The following TRHDE variants were observed in gnomAD, a reference collection of about 807,000 sequenced individuals.
The protein encoded by TRHDE is thyrotropin-releasing hormone-degrading ectoenzyme.
TRHDE carries 72 observed loss-of-function variants against 125.7 expected under a neutral mutation model. The observed-to-expected ratio is 0.57, with a 90% CI of 0.47 to 0.70. The LOEUF is 0.70. Ranked by LOEUF, TRHDE falls within the 30% of genes least tolerant of loss-of-function variation. TRHDE has a pLI of 0.00. For missense variants in TRHDE, 1,110 were observed against 1,327.1 expected (o/e 0.84, Z 2.54); for synonymous variants, 509 against 509.1 (o/e 1.00, Z 0.00).
At chr12:72,467,226 C>T (rs1015609763) in intron 3 of TRHDE, among the ~76,000 whole-genome samples, 4 of 151,552 alleles carry the variant, frequency 2.6e-5, no homozygotes, top group African/African-American at 9.7e-5. Context: ...AATGCTATCC[C>T]TCCCCACTCC....
intron 6 of TRHDE, among the ~76,000 whole-genome samples, chr12:72,532,622 T>C (rs1418087343): frequency 2.0e-5 from 3 of 151,362 alleles, no homozygotes; most frequent in Non-Finnish European, 3.0e-5. Context: ...GAATGCTAAG[T>C]AATATTAAAT....
At chr12:72,343,746 T>G (rs1325674976) in intron 2 of TRHDE, among the ~76,000 whole-genome samples, 1 of 152,120 alleles carries the variant, frequency 6.6e-6, no homozygotes, top group Non-Finnish European at 1.5e-5. Flanking sequence ...GATAGAGTAA[T>G]GTGAAACTTA....
At position 72,575,467 on chromosome 12, in the gene TRHDE, T is replaced by C. The variant is rs188280861; in HGVS notation, c.2266-20T>C. 9.8e-4 allele frequency: 1,575 copies of C among 1,613,548 alleles called. 3 individuals are homozygous for C. Among genetic ancestry groups the C allele is most frequent in the South Asian group, 1.2e-3 (109 of 91,066 alleles). On this transcript the variant is annotated intron_variant, in intron 11 of 18. Coordinates refer to ENST00000261180, the MANE Select transcript of TRHDE (RefSeq NM_013381.3). ...ATTTTAATCCTAAATTATCCTATTA[T>C]TTTTTCTAATTGGCCTCAGGTTCTT...
chr12:72,484,371 T>C (rs1276797762), intron 5 of TRHDE, among the ~76,000 whole-genome samples: 3 of 152,156 alleles, frequency 2.0e-5, no homozygotes, highest in African/African-American at 7.2e-5. Flanking sequence ...TATTATCTCT[T>C]AGAAACTTAA....
chr12:72,397,437 C>T (rs1209675358), intron 3 of TRHDE, among the ~76,000 whole-genome samples: 3 of 152,116 alleles, frequency 2.0e-5, no homozygotes, highest in Non-Finnish European at 2.9e-5. Flanking sequence ...CCTTTAAAAA[C>T]ACAAGTCACG....
At chr12:72,482,821 T>G (rs1877233307) in intron 5 of TRHDE, among the ~76,000 whole-genome samples, 1 of 151,950 alleles carries the variant, frequency 6.6e-6, no homozygotes, top group African/African-American at 2.4e-5. Flanking sequence ...TTGAAGCACT[T>G]GAATCATGAT....
intron 3 of TRHDE, among the ~76,000 whole-genome samples, chr12:72,406,130 G>A (rs1873255692): frequency 6.6e-6 from 1 of 152,086 alleles, no homozygotes; most frequent in Non-Finnish European, 1.5e-5. Context: ...ATAATATGCT[G>A]TATTATTTCA....
chr12:72,398,524 G>A (rs933344117), intron 3 of TRHDE, among the ~76,000 whole-genome samples: 1 of 152,088 alleles, frequency 6.6e-6, no homozygotes, highest in Non-Finnish European at 1.5e-5. Context: ...ATTTTATCAC[G>A]ATATTCTTAA....
chr12:72,190,935 C>T (rs1411321532), intron 2 of TRHDE, among the ~76,000 whole-genome samples: 1 of 152,180 alleles, frequency 6.6e-6, no homozygotes, highest in Non-Finnish European at 1.5e-5. Flanking sequence ...GTAGAAAGGG[C>T]AGCAACTTGT....
intron 6 of TRHDE, among the ~76,000 whole-genome samples, chr12:72,520,809 C>T (rs1879159038): frequency 6.6e-6 from 1 of 152,152 alleles, no homozygotes; most frequent in Non-Finnish European, 1.5e-5. Flanking sequence ...ATCAACATAG[C>T]ACAATTTTAT....
At chr12:72,111,035 C>G (rs1272701591) in intron 2 of TRHDE, among the ~76,000 whole-genome samples, 2 of 152,064 alleles carry the variant, frequency 1.3e-5, no homozygotes, top group Non-Finnish European at 2.9e-5. Flanking sequence ...GGTAATTGAC[C>G]AAGTCAACTT....
At chr12:72,296,643 A>T (rs1334750048) in intron 2 of TRHDE, among the ~76,000 whole-genome samples, 1 of 152,162 alleles carries the variant, frequency 6.6e-6, no homozygotes, top group Non-Finnish European at 1.5e-5. Flanking sequence ...GCTGCATGAG[A>T]GAAATGCCTG....
chr12:72,408,952 A>G (rs1231560031), intron 3 of TRHDE, among the ~76,000 whole-genome samples: 1 of 152,194 alleles, frequency 6.6e-6, no homozygotes, highest in Non-Finnish European at 1.5e-5. Context: ...GGAGGATAGA[A>G]AGAATAGAGA....
intron 5 of TRHDE, among the ~76,000 whole-genome samples, chr12:72,484,941 G>T (rs952528917): frequency 1.3e-5 from 2 of 152,114 alleles, no homozygotes; most frequent in African/African-American, 4.8e-5. Context: ...CAGAAACTCA[G>T]GATGGCTACA....
intron 7 of TRHDE, among the ~76,000 whole-genome samples, chr12:72,550,767 A>G (rs1190610965): frequency 6.6e-6 from 1 of 151,970 alleles, no homozygotes; most frequent in East Asian, 1.9e-4. Context: ...GGAGCATAGT[A>G]TCAATATTTT....
At chr12:72,570,078 T>C (rs982016331) in intron 10 of TRHDE, among the ~76,000 whole-genome samples, 1 of 152,120 alleles carries the variant, frequency 6.6e-6, no homozygotes, top group African/African-American at 2.4e-5. Context: ...ATATTTTTCT[T>C]TGGAAGGTAG....
chr12:72,138,919 A>G (rs1876050950), intron 2 of TRHDE, among the ~76,000 whole-genome samples: 1 of 152,232 alleles, frequency 6.6e-6, no homozygotes, highest in Non-Finnish European at 1.5e-5. Flanking sequence ...AAAGCAGCAC[A>G]TGAACTTGGC....
chr12:72,637,248 A>G (rs1295207141), intron 15 of TRHDE, among the ~76,000 whole-genome samples: 3 of 152,138 alleles, frequency 2.0e-5, no homozygotes, highest in Non-Finnish European at 4.4e-5. Flanking sequence ...GTTTGTGTCG[A>G]GGCATTTATC....
At position 72,603,817 on chromosome 12, in the gene TRHDE, G is replaced by A. The variant is rs1223931862; in HGVS notation, c.2322-15074G>A. Among the ~76,000 whole-genome samples, 2 of 151,818 alleles carry A rather than the reference G, an allele frequency of 1.3e-5. 1 individual carries two copies. The highest frequency in any genetic ancestry group is 2.9e-5 in the Non-Finnish European group (2 of 67,996). ...GAAGTGCACCCTGTGTTTTAGGAAAGAAATCTCACTCAAAGGGATTAACAC... is the reference window on the plus strand; with the variant it reads ...GAAGTGCACCCTGTGTTTTAGGAAAAAAATCTCACTCAAAGGGATTAACAC... On this transcript the variant is annotated intron_variant, in intron 12 of 18. Coordinates refer to ENST00000261180, the MANE Select transcript of TRHDE (RefSeq NM_013381.3).
Sources: allele counts gnomAD v4.1 joint callset (sites outside exome capture counted in the v4.1 genomes callset), GRCh38; gene constraint gnomAD v4.1.1; transcripts MANE v1.5; gene names NCBI Gene and HGNC (gene_info 2026-07-23, HGNC 2026-07-21).